Variants in NELL1 observed in about 807,000 individuals in gnomAD.
NELL1 encodes neural EGFL like 1.
A neutral mutation model predicts 107.4 loss-of-function variants in NELL1; 76 were observed. The observed-to-expected ratio is 0.71, with a 90% confidence interval of 0.59 to 0.86. The LOEUF (loss-of-function observed/expected upper bound fraction) is 0.86, where lower values mean the gene tolerates loss of function less well. Among genes scored for constraint, NELL1 ranks in the 40% least tolerant of loss-of-function variants. The pLI is 0.00. For missense variants in NELL1, 1,024 were observed against 1,005.5 expected, an observed-to-expected ratio of 1.02 and a Z score of -0.25; for synonymous variants, 353 against 341.2, an observed-to-expected ratio of 1.03 and a Z score of -0.38.
intron 15 of NELL1, among the ~76,000 whole-genome samples, chr11:21,493,375 A>G (rs1277992170): frequency 6.6e-6 from 1 of 152,170 alleles, no homozygotes; most frequent in African/African-American, 2.4e-5. Context: ...TAAATGTGGC[A>G]TGTATACACT....
intron 4 of NELL1, 95 bp from the exon 5 acceptor site, chr11:20,885,349 C>T (rs969166123): frequency 1.3e-6 from 1 of 765,328 alleles, no homozygotes; most frequent in Non-Finnish European, 2.4e-6. Context: ...TCTCTTCATA[C>T]AGCAGCTAAT....
intron 7 of NELL1, among the ~76,000 whole-genome samples, chr11:20,922,573 C>T (rs1395411883): frequency 1.3e-5 from 2 of 151,588 alleles, no homozygotes; most frequent in Non-Finnish European, 2.9e-5. Context: ...TTTATCTGGG[C>T]CCAGTCTTTA....
chr11:20,797,875 T>C (rs1281368226), intron 3 of NELL1, among the ~76,000 whole-genome samples: 1 of 152,196 alleles, frequency 6.6e-6, no homozygotes, highest in East Asian at 1.9e-4. Context: ...TTGCATTTAC[T>C]TTGTCCAAGT....
chr11:20,905,891 CT>C (rs1341952677), intron 5 of NELL1, among the ~76,000 whole-genome samples: 8 of 152,100 alleles, frequency 5.3e-5, no homozygotes. Flanking sequence ...ATGGTTAAAA[CT>C]TTTAACATTT....
At chr11:21,455,728 T>C (rs1296298002) in intron 15 of NELL1, among the ~76,000 whole-genome samples, 1 of 152,102 alleles carries the variant, frequency 6.6e-6, no homozygotes, top group African/African-American at 2.4e-5. Context: ...CTCTTGGAAT[T>C]TGTTGAGTTT....
chr11:20,871,128 C>G (rs2134087360), intron 4 of NELL1, among the ~76,000 whole-genome samples: 1 of 152,286 alleles, frequency 6.6e-6, no homozygotes, highest in South Asian at 2.1e-4. Flanking sequence ...CATTATTCAG[C>G]TAATACTGTG....
chr11:21,289,645 A>G lies in NELL1; in HGVS notation c.1549+60191A>G, dbSNP rs181411687. Among the ~76,000 whole-genome samples the G allele has an allele frequency of 2.6e-5, 4 of 152,266 alleles. No individual in the cohort carries two copies. In the East Asian group the frequency reaches 7.8e-4, roughly 30 times the overall value. On this transcript the variant is annotated intron_variant, in intron 14 of 19. Transcript: ENST00000357134. Reference sequence around the variant, plus strand: ...TTTTTCATACTCCAGTGGCACCTGGAATGCCAGCAAGACAGAACCATTCAC... The same window carrying G: ...TTTTTCATACTCCAGTGGCACCTGGGATGCCAGCAAGACAGAACCATTCAC...
chr11:21,483,902 A>T (rs1011680516), intron 15 of NELL1, among the ~76,000 whole-genome samples: 13 of 142,088 alleles, frequency 9.1e-5, no homozygotes, highest in East Asian at 2.2e-4. Context: ...TATATATATA[A>T]AATATTCCAT....
intron 13 of NELL1, among the ~76,000 whole-genome samples, chr11:21,202,825 T>A (rs546822804): frequency 6.6e-6 from 1 of 152,252 alleles, no homozygotes; most frequent in East Asian, 1.9e-4. Context: ...GTATGTTGTG[T>A]CTTTGTTCTT....
At chr11:21,307,612 T>C (rs987656363) in intron 14 of NELL1, among the ~76,000 whole-genome samples, 1 of 152,026 alleles carries the variant, frequency 6.6e-6, no homozygotes, top group African/African-American at 2.4e-5. Flanking sequence ...ATATTCTGGA[T>C]ATTCTGCCCA....
At chr11:21,194,590 G>C (rs950560951) in intron 13 of NELL1, among the ~76,000 whole-genome samples, 1 of 152,040 alleles carries the variant, frequency 6.6e-6, no homozygotes, top group African/African-American at 2.4e-5. Flanking sequence ...TCAAAGTGTG[G>C]CTCCTAGATC....
chr11:21,132,907 A>T (rs2090401), intron 13 of NELL1, among the ~76,000 whole-genome samples: 1 of 151,942 alleles, frequency 6.6e-6, no homozygotes, highest in African/African-American at 2.4e-5. Context: ...AGTATGCAGA[A>T]AACTGGAGGG....
In NELL1 at chr11:21,575,018, A is replaced by G. The variant is rs1198828281; in HGVS notation, c.2429A>G (p.Asn810Ser). The G allele has an allele frequency of 6.2e-7, 1 of 1,608,730 alleles. No homozygotes were observed. The highest frequency in any genetic ancestry group is 1.3e-5 in the African/African-American group (1 of 74,700). ...GTGGATTTTGAGTGTCTTCAAAATA[A>G]TTGAAGTATTTACAGTGGACTCAAC... ...CSVDFECLQN[N>S] Residue 810 changes from asparagine to serine, a missense_variant, in exon 20 of 20, where the codon AAT becomes AGT. Asn to Ser is a conservative substitution (Grantham distance 46, BLOSUM62 1). Transcript: ENST00000357134.
chr11:20,675,708 T>C (rs1590196853), intron 1 of NELL1, among the ~76,000 whole-genome samples: 1 of 152,178 alleles, frequency 6.6e-6, no homozygotes, highest in Admixed American at 6.5e-5. Flanking sequence ...AAGCTCCTTT[T>C]GGGTCACAGG....
In NELL1 at chr11:21,166,504, T is replaced by C. The variant is rs565301779; in HGVS notation, c.1426+52790T>C. ...AAGAATAAATGCTTGTCATGATGGA[T>C]ACCCTATTTACCCTGATGTGATTAG... is the stretch of plus-strand genomic sequence containing the variant. On this transcript the variant is annotated intron_variant, in intron 13 of 19. Transcript: ENST00000357134. Among the ~76,000 whole-genome samples, 5 of 151,964 alleles carry C rather than the reference T, an allele frequency of 3.3e-5. No individual in the cohort carries two copies. The East Asian group carries it at 9.6e-4, about 29-fold the overall frequency.
chr11:20,763,909 A>C (rs1856477255), intron 2 of NELL1, among the ~76,000 whole-genome samples: 1 of 152,206 alleles, frequency 6.6e-6, no homozygotes. Flanking sequence ...CTTCAATCCC[A>C]GGTGCATAGG....
intron 14 of NELL1, among the ~76,000 whole-genome samples, chr11:21,262,197 T>A (rs1848547259): frequency 6.6e-6 from 1 of 151,872 alleles, no homozygotes; most frequent in Admixed American, 6.6e-5. Context: ...AGACATTAAC[T>A]CTTTTATGTT....
At chr11:20,786,367 A>G (rs375967746) in intron 3 of NELL1, among the ~76,000 whole-genome samples, 27 of 151,948 alleles carry the variant, frequency 1.8e-4, no homozygotes, top group African/African-American at 5.8e-4. Context: ...AAAAAGAAAA[A>G]AAAAGGCGGG....
At chr11:21,411,483 G>T (rs777952629) in intron 15 of NELL1, among the ~76,000 whole-genome samples, 7 of 152,010 alleles carry the variant, frequency 4.6e-5, no homozygotes, top group Non-Finnish European at 8.8e-5. Context: ...ACACTCTAAC[G>T]AAAGGCTGGA....
Sources: gnomAD v4.1 joint callset for allele counts (sites outside exome capture counted in the v4.1 genomes callset) on GRCh38, gnomAD v4.1.1 for gene constraint, MANE v1.5 for transcripts, NCBI Gene and HGNC (gene_info 2026-07-23, HGNC 2026-07-21) for gene names.